The following COL24A1 variants were observed in gnomAD, a reference collection of about 807,000 sequenced individuals.
COL24A1 encodes the protein collagen type XXIV alpha 1 chain, also known as collagen alpha-1(XXIV) chain.
COL24A1 carries 224 observed loss-of-function variants against 253.9 expected under a neutral mutation model. The observed-to-expected ratio is 0.88, with a 90% CI of 0.79 to 0.99. The LOEUF (loss-of-function observed/expected upper bound fraction) is 0.99. COL24A1 is among the 50% of genes least tolerant of loss of function. COL24A1 has a pLI of 0.00. For synonymous variants in COL24A1, 685 were observed against 673.7 expected (o/e 1.02, Z -0.26); for missense variants, 2,131 against 2,068.5 (o/e 1.03, Z -0.59).
Position 85,761,521 on chromosome 1 carries a change from A to T in COL24A1, c.4410+10T>A, listed in dbSNP as rs1347390527. On this transcript the variant is annotated intron_variant, in intron 54 of 59. Transcript: ENST00000370571. Reference sequence around the variant, plus strand: ...CAATGGTAAACAGATATAAATGAAAACCAACTCACTGGAGGCCCTGGTTGA... The same window carrying T: ...CAATGGTAAACAGATATAAATGAAATCCAACTCACTGGAGGCCCTGGTTGA... The T allele has an allele frequency of 6.2e-7, 1 of 1,614,082 alleles. No individual in the cohort carries two copies. Among genetic ancestry groups the T allele is most frequent in the Non-Finnish European group, 8.5e-7 (1 of 1,179,974 alleles).
intron 20 of COL24A1, among the ~76,000 whole-genome samples, chr1:85,980,290 C>T (rs966037126): frequency 6.6e-6 from 1 of 152,072 alleles, no homozygotes; most frequent in African/African-American, 2.4e-5. Flanking sequence ...ACAAGGATGC[C>T]GACTTTCACC....
chr1:85,852,620 T>C (rs1019615645), intron 37 of COL24A1, among the ~76,000 whole-genome samples: 1 of 152,188 alleles, frequency 6.6e-6, no homozygotes, highest in Non-Finnish European at 1.5e-5. Context: ...AAAATAACTG[T>C]CCATTTATTT....
intron 52 of COL24A1, among the ~76,000 whole-genome samples, chr1:85,778,283 T>C (rs183475708): frequency 2.0e-5 from 3 of 152,222 alleles, no homozygotes; most frequent in Admixed American, 6.5e-5. Flanking sequence ...TTAAATTTTT[T>C]TGTAGAGATG....
intron 47 of COL24A1, among the ~76,000 whole-genome samples, chr1:85,815,473 G>A (rs1672966951): frequency 6.6e-6 from 1 of 152,132 alleles, no homozygotes; most frequent in African/African-American, 2.4e-5. Context: ...CTGATGCCAT[G>A]AGGCTCTGAT....
chr1:86,060,220 C>T (rs538372619), intron 8 of COL24A1, among the ~76,000 whole-genome samples: 33 of 152,140 alleles, frequency 2.2e-4, no homozygotes, highest in South Asian at 8.3e-4. Context: ...TTCATTGATA[C>T]ATCATTCATT....
chr1:85,861,907 C>T (rs1286763385), intron 37 of COL24A1, among the ~76,000 whole-genome samples: 1 of 152,086 alleles, frequency 6.6e-6, no homozygotes, highest in African/African-American at 2.4e-5. Flanking sequence ...TCTAAAAATA[C>T]TCAGCTCATT....
chr1:85,800,479 T>C (rs1178835528), intron 47 of COL24A1, among the ~76,000 whole-genome samples: 2 of 152,160 alleles, frequency 1.3e-5, no homozygotes, highest in African/African-American at 4.8e-5. Context: ...TACTTGCAAA[T>C]ACCAGAAACT....
chr1:86,085,632 A>C (rs1189618417), intron 7 of COL24A1, among the ~76,000 whole-genome samples: 1 of 152,216 alleles, frequency 6.6e-6, no homozygotes, highest in Non-Finnish European at 1.5e-5. Context: ...TTCCAAACGC[A>C]GAATTAGGAC....
chr1:85,961,258 A>G lies in COL24A1; in HGVS notation c.2553T>C (p.Ile851=). ...EVGDQGNIGK[I]GETGPVGLPG... ...CATAAAATAAGCTTACTGTTTCACCAATTTTTCCAATATTTCCTTGATCTC... is the reference window on the plus strand; with the variant it reads ...CATAAAATAAGCTTACTGTTTCACCGATTTTTCCAATATTTCCTTGATCTC... The change falls in exon 24 of 60, where the codon ATT becomes ATC. Residue 851 remains isoleucine (I), a synonymous_variant. Coordinates refer to ENST00000370571, the MANE Select transcript of COL24A1 (RefSeq NM_152890.7). 1 of 1,603,712 alleles carries G rather than the reference A, an allele frequency of 6.2e-7. No individual in the cohort carries two copies. Among genetic ancestry groups the G allele is most frequent in the Non-Finnish European group, 8.5e-7 (1 of 1,171,468 alleles).
At chr1:85,773,612 A>G (rs780132773) in intron 53 of COL24A1, among the ~76,000 whole-genome samples, 3 of 151,916 alleles carry the variant, frequency 2.0e-5, no homozygotes, top group Non-Finnish European at 4.4e-5. Context: ...ATTCCTAGGT[A>G]TTTTATTCTC....
chr1:85,811,968 C>T (rs1011256055), intron 47 of COL24A1, among the ~76,000 whole-genome samples: 2 of 152,188 alleles, frequency 1.3e-5, no homozygotes, highest in Admixed American at 1.3e-4. Context: ...AAGAGAAACC[C>T]TGCTTATATC....
At chr1:85,991,043 A>G (rs1694209903) in intron 19 of COL24A1, among the ~76,000 whole-genome samples, 1 of 152,242 alleles carries the variant, frequency 6.6e-6, no homozygotes, top group East Asian at 1.9e-4. Context: ...ACTGAGCATC[A>G]ACTATTACTA....
At chr1:86,045,106 C>G (rs544205864) in intron 12 of COL24A1, among the ~76,000 whole-genome samples, 58 of 152,312 alleles carry the variant, frequency 3.8e-4, no homozygotes, top group Admixed American at 9.8e-4. Flanking sequence ...TCTCCTGCCT[C>G]AACCTCCTGA....
chr1:85,824,991 T>A (rs1674085673), intron 43 of COL24A1, among the ~76,000 whole-genome samples: 1 of 151,622 alleles, frequency 6.6e-6, no homozygotes, highest in South Asian at 2.1e-4. Flanking sequence ...GTTACATATG[T>A]ATACATGTGC....
At chr1:86,093,858 C>T (rs190242945) in intron 5 of COL24A1, among the ~76,000 whole-genome samples, 59 of 152,032 alleles carry the variant, frequency 3.9e-4, no homozygotes, top group Non-Finnish European at 7.7e-4. Flanking sequence ...CAAAAGAGGA[C>T]ATAAATGCAG....
chr1:86,061,681 T>C (rs1701103983), intron 8 of COL24A1, among the ~76,000 whole-genome samples: 1 of 152,076 alleles, frequency 6.6e-6, no homozygotes, highest in African/African-American at 2.4e-5. Flanking sequence ...CATAAACGTA[T>C]TCTGAGCCAA....
chr1:85,754,304 G>A (rs12126511), intron 55 of COL24A1, among the ~76,000 whole-genome samples: 7 of 52,286 alleles, frequency 1.3e-4, no homozygotes, highest in South Asian at 8.5e-4. Flanking sequence ...ACCAAACACC[G>A]CATATTCTCA....
chr1:85,761,512 T>C lies in COL24A1; in HGVS notation c.4410+19A>G, dbSNP rs778544802. 9 of 1,613,918 alleles carry C rather than the reference T, an allele frequency of 5.6e-6. No individual in the cohort carries two copies. The highest frequency in any genetic ancestry group is 1.7e-5 in the Admixed American group (1 of 59,998). On this transcript the variant is annotated intron_variant, in intron 54 of 59. Transcript: ENST00000370571. ...TATAAGCATCAATGGTAAACAGATA[T>C]AAATGAAAACCAACTCACTGGAGGC...
chr1:85,866,401 T>G (rs1057464002), intron 37 of COL24A1, among the ~76,000 whole-genome samples: 17 of 152,204 alleles, frequency 1.1e-4, no homozygotes, highest in African/African-American at 4.1e-4. Flanking sequence ...AATAATAACA[T>G]CTATAGGTTA....
Sources: gnomAD v4.1 joint callset for allele counts (sites outside exome capture counted in the v4.1 genomes callset) on GRCh38, gnomAD v4.1.1 for gene constraint, MANE v1.5 for transcripts, NCBI Gene and HGNC (gene_info 2026-07-23, HGNC 2026-07-21) for gene names.